Variants in SHLD1 observed in about 807,000 individuals in gnomAD.
The protein encoded by SHLD1 is shieldin complex subunit 1, also known as RINN1-REV7-interacting novel NHEJ regulator 3.
In SHLD1, 3 loss-of-function variants were observed where a neutral mutation model predicts 5.5. That is an observed-to-expected ratio of 0.54 (90% CI 0.25 to 1.40). SHLD1 has a LOEUF of 1.40. SHLD1 is among the 40% of genes most tolerant of loss of function. The pLI is 0.15. For missense variants in SHLD1, 210 were observed against 244.4 expected (o/e 0.86, Z 0.94); for synonymous variants, 92 against 94.3 (o/e 0.98, Z 0.14).
chr20:5,819,872 C>T (rs2087585196), intron 2 of SHLD1, among the ~76,000 whole-genome samples: 1 of 152,120 alleles, frequency 6.6e-6, no homozygotes, highest in Non-Finnish European at 1.5e-5. Flanking sequence ...GACAGCCACA[C>T]CTTTGTGTTG....
chr20:5,851,232 TC>T (rs2088004745), intron 2 of SHLD1, among the ~76,000 whole-genome samples: 1 of 152,194 alleles, frequency 6.6e-6, no homozygotes. Context: ...ATATTTGTAA[TC>T]TCAGCTACTT....
intron 2 of SHLD1, among the ~76,000 whole-genome samples, chr20:5,801,761 A>C (rs2087297487): frequency 6.6e-6 from 1 of 152,166 alleles, no homozygotes; most frequent in African/African-American, 2.4e-5. Context: ...GAGTACTCTC[A>C]CAGGAATAAC....
intron 2 of SHLD1, among the ~76,000 whole-genome samples, chr20:5,801,293 C>G (rs913260834): frequency 1.3e-5 from 2 of 152,144 alleles, no homozygotes; most frequent in African/African-American, 4.8e-5. Context: ...TCAGACTAGT[C>G]TCAAACTCCT....
Position 5,791,786 on chromosome 20 carries a change from G to A in SHLD1, c.178+18743G>A, listed in dbSNP as rs6053701. On this transcript the variant is annotated intron_variant, in intron 2 of 2. Transcript: ENST00000303142. ...AATATGTAAAGAACTCTCAAAACTC[G>A]ACTCTCAAAAAAAAATGCAGTTCAC... Among the ~76,000 whole-genome samples, 1,176 of 151,908 alleles carry A rather than the reference G, an allele frequency of 7.7e-3. 16 individuals are homozygous for A. Among genetic ancestry groups the A allele is most frequent in the African/African-American group, 0.027 (1,106 of 41,442 alleles).
rs1009253234 is a variant in SHLD1, at chr20:5,806,772, A to G, written c.178+33729A>G. Among the ~76,000 whole-genome samples the G allele has an allele frequency of 8.5e-5, 13 of 152,146 alleles. No homozygotes were observed. The highest frequency in any genetic ancestry group is 1.6e-4 in the Non-Finnish European group (11 of 68,028). On this transcript the variant is annotated intron_variant, in intron 2 of 2. Transcript: ENST00000303142. This position sits in a 1 kb window ranked among gnomAD's most constrained non-coding sequence, Gnocchi z 7.6. ...ATCAGTTAAGATACCAACATTTCTT[A>G]TTTACATCCTGTGTTGTTGTTTCTC...
At chr20:5,819,821 C>T (rs1844441665) in intron 2 of SHLD1, among the ~76,000 whole-genome samples, 1 of 152,192 alleles carries the variant, frequency 6.6e-6, no homozygotes, top group African/African-American at 2.4e-5. Flanking sequence ...GACCCAGTCT[C>T]TTAAAAACAA....
intron 2 of SHLD1, among the ~76,000 whole-genome samples, chr20:5,790,084 T>C (rs1478042128): frequency 6.6e-6 from 1 of 152,182 alleles, no homozygotes; most frequent in Admixed American, 6.5e-5. Context: ...GTTCAACAAA[T>C]GATCTGGCCT....
At chr20:5,757,980 ATGTT>A (rs1984219221) in intron 1 of SHLD1, among the ~76,000 whole-genome samples, 2 of 152,098 alleles carry the variant, frequency 1.3e-5, no homozygotes, top group African/African-American at 2.4e-5. Context: ...ATCCTCTTAT[ATGTT>A]GCTAGATTTG....
intron 2 of SHLD1, among the ~76,000 whole-genome samples, chr20:5,819,682 C>T (rs2087582736): frequency 6.6e-6 from 1 of 152,142 alleles, no homozygotes; most frequent in African/African-American, 2.4e-5. Flanking sequence ...ATTAGCCAGG[C>T]ATGGTGGAGT....
chr20:5,778,994 G>A (rs534150060), intron 2 of SHLD1, among the ~76,000 whole-genome samples: 2 of 152,240 alleles, frequency 1.3e-5, no homozygotes, highest in Non-Finnish European at 2.9e-5. Context: ...CTTGAGGCCA[G>A]AAATTCAAGA....
chr20:5,815,380 A>G lies in SHLD1; in HGVS notation c.178+42337A>G, dbSNP rs145855948. 1.3e-3 allele frequency among the ~76,000 whole-genome samples: 198 copies of G among 152,282 alleles called. 1 individual carries two copies. Among genetic ancestry groups the G allele is most frequent in the Non-Finnish European group, 2.3e-3 (157 of 68,014 alleles). On this transcript the variant is annotated intron_variant, in intron 2 of 2. Transcript: ENST00000303142. ...GTGCTTCTCAAAATGTAATGTGACT[A>G]TTAACCACCCAGGGATCCTATTAAA...
At chr20:5,829,147 A>G (rs1222373422) in intron 2 of SHLD1, among the ~76,000 whole-genome samples, 1 of 152,156 alleles carries the variant, frequency 6.6e-6, no homozygotes, top group Non-Finnish European at 1.5e-5. Context: ...AAGTGCTGGG[A>G]TTACAGGTGT....
At position 5,863,254 on chromosome 20, in the gene SHLD1, A is replaced by G. The variant is rs1195930766; in HGVS notation, c.409A>G (p.Ser137Gly). The G allele has an allele frequency of 6.2e-7, 1 of 1,614,054 alleles. No individual in the cohort carries two copies. The highest frequency in any genetic ancestry group is 8.5e-7 in the Non-Finnish European group (1 of 1,180,028). ...AATCACTCAACTAAGAGGCCAGGAG[A>G]GCCAAAAGTATGCCCTCCGCAGTTT... is the stretch of plus-strand genomic sequence containing the variant. ...QKITQLRGQE[S>G]QKYALRSFQM... The change falls in exon 3 of 3, where the codon AGC becomes GGC. Residue 137 changes from serine to glycine, a missense_variant. Coordinates refer to ENST00000303142, the MANE Select transcript of SHLD1 (RefSeq NM_152504.4).
intron 2 of SHLD1, among the ~76,000 whole-genome samples, chr20:5,810,074 T>C (rs2087437668): frequency 6.6e-6 from 1 of 151,858 alleles, no homozygotes; most frequent in Admixed American, 6.6e-5. Context: ...CTGGCCAACA[T>C]GGTGAAACCC....
chr20:5,764,139 A>AAAAAAAT (rs1555768309), intron 1 of SHLD1, among the ~76,000 whole-genome samples: 1 of 95,714 alleles, frequency 1.0e-5, no homozygotes, highest in African/African-American at 4.8e-5. Flanking sequence ...AAAAAAAAAA[A>AAAAAAAT]ATATATATAT....
At chr20:5,814,976 A>G (rs898867205) in intron 2 of SHLD1, among the ~76,000 whole-genome samples, 1 of 151,938 alleles carries the variant, frequency 6.6e-6, no homozygotes, top group African/African-American at 2.4e-5. Context: ...TTCTAATGAC[A>G]CACAACACCA....
intron 2 of SHLD1, among the ~76,000 whole-genome samples, chr20:5,830,870 T>A (rs1568523434): frequency 6.6e-6 from 1 of 152,138 alleles, no homozygotes; most frequent in Non-Finnish European, 1.5e-5. Context: ...TGATTTAGTA[T>A]ACCATGAATA....
chr20:5,758,997 C>G (rs113500316), intron 1 of SHLD1, among the ~76,000 whole-genome samples: 1 of 148,486 alleles, frequency 6.7e-6, no homozygotes, highest in Non-Finnish European at 1.5e-5. Context: ...CACTGCCCAC[C>G]GGGATAGAGT....
At chr20:5,780,491 C>T (rs1985637237) in intron 2 of SHLD1, among the ~76,000 whole-genome samples, 1 of 152,090 alleles carries the variant, frequency 6.6e-6, no homozygotes, top group African/African-American at 2.4e-5. Context: ...GTAGCAAGGT[C>T]CCAGCTTCCA....
Sources: gnomAD v4.1 joint callset for allele counts (sites outside exome capture counted in the v4.1 genomes callset) on GRCh38, gnomAD v4.1.1 for gene constraint, Gnocchi (gnomAD v3.1) non-coding constraint, MANE v1.5 for transcripts, NCBI Gene and HGNC (gene_info 2026-07-23, HGNC 2026-07-21) for gene names.